Variants in AASDH observed in about 807,000 individuals in gnomAD.
AASDH encodes aminoadipate-semialdehyde dehydrogenase.
In AASDH, 81 loss-of-function variants were observed where a neutral mutation model predicts 102.3. That is an observed-to-expected ratio of 0.79 (90% CI 0.66 to 0.95). The LOEUF is 0.95. Among genes scored for constraint, AASDH ranks in the 40% least tolerant of loss-of-function variants. The pLI is 0.00. For missense variants in AASDH, 1,203 were observed against 1,266.2 expected (o/e 0.95, Z 0.76); for synonymous variants, 398 against 454.0 (o/e 0.88, Z 1.57).
chr4:56,347,467 T>C (rs1403070442), intron 11 of AASDH, among the ~76,000 whole-genome samples: 1 of 152,132 alleles, frequency 6.6e-6, no homozygotes, highest in Non-Finnish European at 1.5e-5. Context: ...CCTAACATAC[T>C]TGGGAGAGTA....
chr4:56,348,012 G>A (rs1338471927), intron 11 of AASDH, among the ~76,000 whole-genome samples: 2 of 151,968 alleles, frequency 1.3e-5, no homozygotes, highest in Admixed American at 1.3e-4. Context: ...TTAGCTGGGT[G>A]TGGTGGTATG....
chr4:56,355,905 C>A (rs1276790571), intron 5 of AASDH, among the ~76,000 whole-genome samples: 1 of 152,048 alleles, frequency 6.6e-6, no homozygotes, highest in Non-Finnish European at 1.5e-5. Flanking sequence ...GCATGAGCCA[C>A]CATGCCTGGC....
At chr4:56,351,742 G>A (rs930667503) in intron 9 of AASDH, among the ~76,000 whole-genome samples, 3 of 151,872 alleles carry the variant, frequency 2.0e-5, no homozygotes, top group African/African-American at 7.3e-5. Context: ...GACCAGCCTG[G>A]GCAACACAGC....
At chr4:56,360,294 C>T (rs1340238195) in intron 5 of AASDH, among the ~76,000 whole-genome samples, 1 of 152,202 alleles carries the variant, frequency 6.6e-6, no homozygotes, top group Non-Finnish European at 1.5e-5. Flanking sequence ...TATCCCACCA[C>T]CACTGCAATC....
chr4:56,356,329 G>A (rs996589618), intron 5 of AASDH: 1 of 1,531,256 alleles, frequency 6.5e-7, no homozygotes, highest in Non-Finnish European at 8.9e-7. Context: ...TGCAGCGGCA[G>A]AGAGCCATCC....
At chr4:56,345,350 T>C in intron 11 of AASDH, 60 bp from the exon 12 acceptor site, 1 of 1,500,364 alleles carries the variant, frequency 6.7e-7, no homozygotes, top group Non-Finnish European at 9.1e-7. Flanking sequence ...AATAATTCTT[T>C]AGCCTACAGC....
chr4:56,373,824 A>AGG (rs773442317), intron 4 of AASDH, among the ~76,000 whole-genome samples: 9 of 65,440 alleles, frequency 1.4e-4, no homozygotes, highest in Non-Finnish European at 1.9e-4. Context: ...GCATGCATAC[A>AGG]GTTCATGTAG....
intron 5 of AASDH, chr4:56,356,163 A>T: frequency 1.4e-6 from 1 of 692,210 alleles, no homozygotes; most frequent in South Asian, 1.6e-5. Context: ...AAGGGAAAGA[A>T]GGTGGCTCTG....
chr4:56,380,916 AGTGGAT>A (rs1220991906), intron 3 of AASDH, among the ~76,000 whole-genome samples: 2 of 152,206 alleles, frequency 1.3e-5, no homozygotes, highest in South Asian at 2.1e-4. Flanking sequence ...CTACTGCTTT[AGTGGAT>A]GCTGGGCATA....
Position 56,342,883 on chromosome 4 carries a change from A to C in AASDH, c.2859T>G (p.Ile953Met). Residue 953 changes from isoleucine to methionine, a missense_variant, in exon 14 of 15, where the codon ATT becomes ATG. Physicochemically the swap from Ile to Met is conservative, Grantham distance 10. Transcript: ENST00000205214. ...AGAGTAAATTCCCATCTACACAGCC[A>C]ATACAAATATACTGTGAGCAACATT... is the stretch of plus-strand genomic sequence containing the variant. The part of the protein sequence containing the change: ...SPQCCSQYIC[I>M]GCVDGNLLCF... 1 of 1,574,786 alleles carries C rather than the reference A, an allele frequency of 6.4e-7. No individual in the cohort carries two copies. Among genetic ancestry groups the C allele is most frequent in the Non-Finnish European group, 8.6e-7 (1 of 1,159,836 alleles).
chr4:56,386,593 A>G (rs1468217262), intron 1 of AASDH, among the ~76,000 whole-genome samples: 1 of 151,408 alleles, frequency 6.6e-6, no homozygotes, highest in Non-Finnish European at 1.5e-5. Flanking sequence ...GGAGATCGAG[A>G]CCATCCTGGC....
chr4:56,363,740 ACCAAAGG>A (rs1216991767), intron 5 of AASDH, among the ~76,000 whole-genome samples: 1 of 152,162 alleles, frequency 6.6e-6, no homozygotes, highest in East Asian at 1.9e-4. Flanking sequence ...ATCATCAAAG[ACCAAAGG>A]TAGATAAAAC....
chr4:56,367,828 A>G (rs986686585), intron 5 of AASDH, among the ~76,000 whole-genome samples: 2 of 151,848 alleles, frequency 1.3e-5, no homozygotes, highest in Admixed American at 6.6e-5. Flanking sequence ...CATGTCTAAA[A>G]CACCAAAAGC....
At chr4:56,353,322 A>G in intron 9 of AASDH, 82 bp downstream of exon 9, 1 of 1,149,020 alleles carries the variant, frequency 8.7e-7, no homozygotes, top group Non-Finnish European at 1.2e-6. Context: ...ATAAAAATAA[A>G]GATTTATGTT....
chr4:56,359,674 T>A (rs895241216), intron 5 of AASDH, among the ~76,000 whole-genome samples: 1 of 152,148 alleles, frequency 6.6e-6, no homozygotes, highest in Middle Eastern at 3.4e-3. Flanking sequence ...TTCTCCTGCC[T>A]CAGCCTCCTC....
rs1213317349 is a variant in AASDH at position 56,355,351 on chromosome 4, G to C, written c.934C>G (p.Leu312Val). The C allele has an allele frequency of 6.2e-7, 1 of 1,614,184 alleles. No individual in the cohort carries two copies. Among genetic ancestry groups the C allele is most frequent in the African/African-American group, 1.3e-5 (1 of 75,058 alleles). The change falls in exon 6 of 15, where the codon CTT (leucine) becomes GTT (valine). Residue 312 changes from leucine (L) to valine (V), a missense_variant. By Grantham distance (32) the Leu-to-Val change is conservative (BLOSUM62 1). Coordinates refer to ENST00000205214, the MANE Select transcript of AASDH (RefSeq NM_181806.4). ...KSTVLSATTS[L>V]RVLALGGEAF... ...TCACCACCAAGGGCTAATACTCGAA[G>C]AGAAGTAGTGGCTGACAAAACAGTT...
chr4:56,343,955 A>C (rs994474450), intron 12 of AASDH, among the ~76,000 whole-genome samples: 4 of 152,164 alleles, frequency 2.6e-5, no homozygotes, highest in Non-Finnish European at 5.9e-5. Flanking sequence ...GTGTATATAC[A>C]CACACACGAT....
At chr4:56,366,082 C>A (rs993638007) in intron 5 of AASDH, among the ~76,000 whole-genome samples, 1 of 152,178 alleles carries the variant, frequency 6.6e-6, no homozygotes, top group African/African-American at 2.4e-5. Context: ...TCACAGAATA[C>A]TATAAACACC....
At chr4:56,350,592 A>C (rs899339011) in intron 10 of AASDH, among the ~76,000 whole-genome samples, 3 of 152,084 alleles carry the variant, frequency 2.0e-5, no homozygotes, top group African/African-American at 7.2e-5. Flanking sequence ...CTAAAAGTAC[A>C]AAATATACTT....
Sources: allele counts gnomAD v4.1 joint callset (sites outside exome capture counted in the v4.1 genomes callset), GRCh38; gene constraint gnomAD v4.1.1; transcripts MANE v1.5; gene names NCBI Gene and HGNC (gene_info 2026-07-23, HGNC 2026-07-21).